The following WWC2 variants were observed in gnomAD, a reference collection of about 807,000 sequenced individuals.
The protein encoded by WWC2 is WW and C2 domain containing 2, also known as protein WWC2.
Under a neutral mutation model 138.5 loss-of-function variants are expected in WWC2, and 101 were observed. That is an observed-to-expected ratio of 0.73 (90% CI 0.62 to 0.86). WWC2 has a LOEUF of 0.86. Ranked by LOEUF, WWC2 falls within the 40% of genes least tolerant of loss-of-function variation. WWC2 has a pLI of 0.00. For missense variants in WWC2, 1,420 were observed against 1,419.4 expected, an observed-to-expected ratio of 1.00 and a Z score of -0.01; for synonymous variants, 558 against 538.4, an observed-to-expected ratio of 1.04 and a Z score of -0.50.
chr4:183,153,226 A>G (rs866826941), intron 1 of WWC2, among the ~76,000 whole-genome samples: 6 of 152,212 alleles, frequency 3.9e-5, no homozygotes, highest in African/African-American at 1.2e-4. Flanking sequence ...TATGTTTGGG[A>G]CTTTTAGGCT....
At chr4:183,107,957 C>T (rs534635390) in intron 1 of WWC2, among the ~76,000 whole-genome samples, 1 of 152,002 alleles carries the variant, frequency 6.6e-6, no homozygotes, top group Admixed American at 6.6e-5. Context: ...TACCTTCTTC[C>T]TAAACACTCA....
rs1281264684 is a variant in WWC2 at position 183,215,465 on chromosome 4, CAG to C, written c.522+6442_522+6443del. ...ATTCGCAAGAAAAAAAAAAGCAAGA[CAG>C]AAAGAAAATGAGAGATTCTCTTTAA... On this transcript the variant is annotated intron_variant, in intron 4 of 22. Coordinates refer to ENST00000403733, the MANE Select transcript of WWC2 (RefSeq NM_024949.6). 4.6e-5 allele frequency among the ~76,000 whole-genome samples: 7 copies of C among 151,734 alleles called. No individual in the cohort carries two copies. The East Asian group carries it at 5.8e-4, about 13-fold the overall frequency.
chr4:183,230,736 AT>A (rs1448433441), intron 4 of WWC2, among the ~76,000 whole-genome samples: 1 of 152,146 alleles, frequency 6.6e-6, no homozygotes, highest in Non-Finnish European at 1.5e-5. Context: ...ACAAAAGCAA[AT>A]TTTGGTTTTT....
intron 1 of WWC2, among the ~76,000 whole-genome samples, chr4:183,133,491 G>GGTTTACAATTTTA (rs1254717159): frequency 2.6e-5 from 4 of 151,774 alleles, no homozygotes; most frequent in Admixed American, 1.3e-4. Flanking sequence ...ACTTTCTCAT[G>GGTTTACAATTTTA]CTTTTCTTTT....
rs1229061478 is a variant in WWC2, at chr4:183,099,488, G to C, written c.-4G>C. On this transcript the variant is annotated 5_prime_UTR_variant, in exon 1 of 23. Transcript: ENST00000403733. ...GGCGCCGCTCGCCGGCGAGGCCGCC[G>C]ACCATGCCTAGGAGGGCCGGGAGCG... 3 of 1,314,152 alleles carry C rather than the reference G, an allele frequency of 2.3e-6. No individual in the cohort carries two copies. The highest frequency in any genetic ancestry group is 2.9e-6 in the Non-Finnish European group (3 of 1,021,134). 81.4% of individuals were successfully genotyped at this position (1,314,152 alleles called of 1,614,324 possible).
chr4:183,207,600 G>A (rs931332522), intron 2 of WWC2, among the ~76,000 whole-genome samples: 9 of 152,260 alleles, frequency 5.9e-5, no homozygotes, highest in Admixed American at 5.9e-4. Context: ...CCTGTATTAG[G>A]TGAATGAAGG....
rs1387794181 is a variant in WWC2 at position 183,210,770 on chromosome 4, C to T, written c.522+1745C>T. Among the ~76,000 whole-genome samples, 5 of 152,266 alleles carry T rather than the reference C, an allele frequency of 3.3e-5. No individual in the cohort carries two copies. In the East Asian group the frequency reaches 7.7e-4, roughly 23 times the overall value. ...CAAACCTGTACCGTATGATACTGTACTGAGTACTGGAAGTACATATTGTAA... is the reference window on the plus strand; with the variant it reads ...CAAACCTGTACCGTATGATACTGTATTGAGTACTGGAAGTACATATTGTAA... On this transcript the variant is annotated intron_variant, in intron 4 of 22. Transcript: ENST00000403733.
chr4:183,159,849 T>G (rs551743807), intron 1 of WWC2, among the ~76,000 whole-genome samples: 1 of 152,244 alleles, frequency 6.6e-6, no homozygotes, highest in East Asian at 1.9e-4. Context: ...TTGTCCATAT[T>G]TGATCACAGT....
chr4:183,253,686 G>A (rs1308442083), intron 8 of WWC2, 71 bp from the exon 9 acceptor site: 1 of 1,547,018 alleles, frequency 6.5e-7, no homozygotes, highest in Non-Finnish European at 8.7e-7. Context: ...CACCAAATTT[G>A]GCTTAGGCTG....
intron 2 of WWC2, among the ~76,000 whole-genome samples, chr4:183,199,412 C>T (rs1036233882): frequency 5.3e-5 from 8 of 152,192 alleles, no homozygotes; most frequent in African/African-American, 1.9e-4. Flanking sequence ...ATGCACATAG[C>T]CATTCTCCGC....
At chr4:183,103,268 T>G (rs563842406) in intron 1 of WWC2, among the ~76,000 whole-genome samples, 15 of 151,560 alleles carry the variant, frequency 9.9e-5, no homozygotes, top group Admixed American at 3.3e-4. Context: ...ATGTCACAGT[T>G]AACTTTTGGC....
chr4:183,247,474 CAT>C (rs963240931), intron 6 of WWC2, among the ~76,000 whole-genome samples: 3 of 144,388 alleles, frequency 2.1e-5, no homozygotes, highest in East Asian at 2.0e-4. Context: ...GTTTTATCCT[CAT>C]ATATATATAC....
chr4:183,118,767 A>G (rs1357963625), intron 1 of WWC2, among the ~76,000 whole-genome samples: 1 of 152,184 alleles, frequency 6.6e-6, no homozygotes, highest in African/African-American at 2.4e-5. Flanking sequence ...ATGCTATTCA[A>G]ATGAGGAAAG....
rs75852587 is a variant in WWC2 at position 183,210,379 on chromosome 4, G to A, written c.522+1354G>A. 5.7e-3 allele frequency among the ~76,000 whole-genome samples: 866 copies of A among 152,216 alleles called. 6 individuals carry two copies. Among genetic ancestry groups the A allele is most frequent in the African/African-American group, 0.02 (834 of 41,522 alleles). Reference sequence around the variant, plus strand: ...AGTCTAGAGATGGAATGTACAACATGAGGACTATAGGGAATAACATTGTAT... The same window carrying A: ...AGTCTAGAGATGGAATGTACAACATAAGGACTATAGGGAATAACATTGTAT... On this transcript the variant is annotated intron_variant, in intron 4 of 22. Coordinates refer to ENST00000403733, the MANE Select transcript of WWC2 (RefSeq NM_024949.6).
intron 1 of WWC2, among the ~76,000 whole-genome samples, chr4:183,153,957 T>A (rs918255511): frequency 1.6e-5 from 2 of 127,522 alleles, no homozygotes; most frequent in African/African-American, 7.2e-5. Context: ...ACAGTCATGA[T>A]TAGTGGACTT....
chr4:183,125,792 T>C (rs1247613015), intron 1 of WWC2, among the ~76,000 whole-genome samples: 1 of 152,238 alleles, frequency 6.6e-6, no homozygotes, highest in Admixed American at 6.5e-5. Context: ...CATTCCCATG[T>C]TCCTCTCTCC....
At chr4:183,265,411 G>A (rs1206652051) in intron 12 of WWC2, among the ~76,000 whole-genome samples, 2 of 152,212 alleles carry the variant, frequency 1.3e-5, no homozygotes, top group Admixed American at 6.5e-5. Flanking sequence ...AGCTTCTCAC[G>A]TGTATTTCTG....
intron 1 of WWC2, among the ~76,000 whole-genome samples, chr4:183,173,637 G>C (rs1348682071): frequency 6.6e-6 from 1 of 151,624 alleles, no homozygotes; most frequent in East Asian, 2.0e-4. Context: ...TGATGTGCAC[G>C]TCTCCCCTAC....
At position 183,238,463 on chromosome 4, in the gene WWC2, C is replaced by T. The variant is rs551684659; in HGVS notation, c.523-1720C>T. Among the ~76,000 whole-genome samples the T allele has an allele frequency of 5.9e-5, 9 of 152,136 alleles. No individual in the cohort carries two copies. In the East Asian group the frequency reaches 1.7e-3, roughly 29 times the overall value. ...AGGTCTTGCTTTAATCTCCTTGATT[C>T]TCGTTGTTCTTAGAGTAAGATTTAG... On this transcript the variant is annotated intron_variant, in intron 4 of 22. Coordinates refer to ENST00000403733, the MANE Select transcript of WWC2 (RefSeq NM_024949.6).
Sources: gnomAD v4.1 joint callset for allele counts (sites outside exome capture counted in the v4.1 genomes callset) on GRCh38, gnomAD v4.1.1 for gene constraint, MANE v1.5 for transcripts, NCBI Gene and HGNC (gene_info 2026-07-23, HGNC 2026-07-21) for gene names.